Variants in ITM2B observed in about 807,000 individuals in gnomAD.
ITM2B encodes ABri/ADan amyloid peptide.
Under a neutral mutation model 27.8 loss-of-function variants are expected in ITM2B, and 11 were observed. The observed-to-expected ratio is 0.40, with a 90% CI of 0.25 to 0.66. The LOEUF is 0.66. Ranked by LOEUF, ITM2B falls within the 30% of genes least tolerant of loss-of-function variation. ITM2B has a pLI of 0.43. For missense variants in ITM2B, 296 were observed against 328.9 expected, an observed-to-expected ratio of 0.90 and a Z score of 0.77; for synonymous variants, 114 against 114.3, an observed-to-expected ratio of 1.00 and a Z score of 0.02.
rs1325021665 is a variant in ITM2B, at chr13:48,267,529, T to TC, written c.*6309dup. On this transcript the variant is annotated 3_prime_UTR_variant, in exon 6 of 6. Coordinates refer to ENST00000647800, the MANE Select transcript of ITM2B (RefSeq NM_021999.5). ...AAAATTATGAGTGCCTTCCTTTAGC[T>TC]CCCCATAGAAATGTCTTTGTATAAC... The TC allele has an allele frequency of 6.6e-6, 1 of 152,202 alleles. No homozygotes were observed. Among genetic ancestry groups the TC allele is most frequent in the African/African-American group, 2.4e-5 (1 of 41,438 alleles). The allele number at this position is 152,202 out of a possible 1,614,324, so 9.4% of individuals were successfully genotyped here.
chr13:48,241,908 T>G lies in ITM2B; in HGVS notation c.117+8431T>G, dbSNP rs553111959. On this transcript the variant is annotated intron_variant, in intron 1 of 5. Transcript: ENST00000647800. ...TCTTAGTTTTATTATGAAAAAAGTT[T>G]GACCTTGTGGACCCCCTGAACGGGT... Among the ~76,000 whole-genome samples, 149 of 152,348 alleles carry G rather than the reference T, an allele frequency of 9.8e-4. 2 individuals are homozygous for G. In the South Asian group the frequency reaches 0.013, roughly 13 times the overall value.
At position 48,264,430 on chromosome 13, in the gene ITM2B, A is replaced by G. The variant is rs930437209; in HGVS notation, c.*3206A>G. The G allele has an allele frequency of 6.6e-6, 1 of 152,196 alleles. No individual in the cohort carries two copies. The highest frequency in any genetic ancestry group is 1.5e-5 in the Non-Finnish European group (1 of 68,038). The allele number at this position is 152,196 out of a possible 1,614,324, so 9.4% of individuals were successfully genotyped here. On this transcript the variant is annotated 3_prime_UTR_variant, in exon 6 of 6. Transcript: ENST00000647800. ...AACTTAAAGGCTGATTAATAATGCAAATGAAAAGGCAAATGGATTATTGAA... is the reference window on the plus strand; with the variant it reads ...AACTTAAAGGCTGATTAATAATGCAGATGAAAAGGCAAATGGATTATTGAA...
At position 48,265,900 on chromosome 13, in the gene ITM2B, T is replaced by C. The variant is rs973365364; in HGVS notation, c.*4676T>C. ...CTCTTTTTTGTGACTTGAATATAAT[T>C]AATATTTTATATTTTGTCCTTGTTG... On this transcript the variant is annotated 3_prime_UTR_variant, in exon 6 of 6. Transcript: ENST00000647800. 1.3e-5 allele frequency: 2 copies of C among 152,176 alleles called. No homozygotes were observed. The highest frequency in any genetic ancestry group is 2.9e-5 in the Non-Finnish European group (2 of 68,034). The allele number at this position is 152,176 out of a possible 1,614,324, so 9.4% of individuals were successfully genotyped here.
At position 48,266,662 on chromosome 13, in the gene ITM2B, G is replaced by A. The variant is rs911764189; in HGVS notation, c.*5438G>A. The A allele has an allele frequency of 6.6e-6, 1 of 152,140 alleles. No individual in the cohort carries two copies. The highest frequency in any genetic ancestry group is 2.4e-5 in the African/African-American group (1 of 41,426). The allele number at this position is 152,140 out of a possible 1,614,324, so 9.4% of individuals were successfully genotyped here. Reference sequence around the variant, plus strand: ...ATTATTCAGATGGAAATTAATGTTTGTTGAATGAATGAGCTACATTTCATG... The same window carrying A: ...ATTATTCAGATGGAAATTAATGTTTATTGAATGAATGAGCTACATTTCATG... On this transcript the variant is annotated 3_prime_UTR_variant, in exon 6 of 6. Coordinates refer to ENST00000647800, the MANE Select transcript of ITM2B (RefSeq NM_021999.5).
Position 48,269,407 on chromosome 13 carries a change from G to C in ITM2B, c.*8183G>C, listed in dbSNP as rs868698924. The C allele has an allele frequency of 8.5e-5, 13 of 152,172 alleles. No individual in the cohort carries two copies. The highest frequency in any genetic ancestry group is 3.1e-4 in the African/African-American group (13 of 41,428). The allele number at this position is 152,172 out of a possible 1,614,324, so 9.4% of individuals were successfully genotyped here. A position where few individuals can be genotyped will look rare whatever the true frequency, so the allele number is the denominator to read the frequency against. ...CTCTTCTAAACAGAGTAGCTAGAGC[G>C]ATCTTTTCTAAATCTAAGCCACATC... On this transcript the variant is annotated 3_prime_UTR_variant, in exon 6 of 6. Transcript: ENST00000647800.
intron 1 of ITM2B, among the ~76,000 whole-genome samples, chr13:48,235,978 G>A (rs990722085): frequency 3.3e-5 from 5 of 152,122 alleles, no homozygotes; most frequent in African/African-American, 1.2e-4. Context: ...ATGCATTCCA[G>A]TACTTTTACA....
chr13:48,267,443 A>C lies in ITM2B; in HGVS notation c.*6219A>C, dbSNP rs1951859064. The C allele has an allele frequency of 6.6e-6, 1 of 152,184 alleles. No homozygotes were observed. Among genetic ancestry groups the C allele is most frequent in the East Asian group, 1.9e-4 (1 of 5,194 alleles). The allele number at this position is 152,184 out of a possible 1,614,324, so 9.4% of individuals were successfully genotyped here. A position where few individuals can be genotyped will look rare whatever the true frequency, so the allele number is the denominator to read the frequency against. ...GAAGATGAGCCTGTGAAATTTGAGA[A>C]TCCTTCATGTCTCTGGAATGAGTCC... On this transcript the variant is annotated 3_prime_UTR_variant, in exon 6 of 6. Coordinates refer to ENST00000647800, the MANE Select transcript of ITM2B (RefSeq NM_021999.5).
intron 1 of ITM2B, among the ~76,000 whole-genome samples, chr13:48,242,626 A>C (rs1951705974): frequency 6.6e-6 from 1 of 152,040 alleles, no homozygotes; most frequent in Non-Finnish European, 1.5e-5. Flanking sequence ...ATATTTGATA[A>C]TTTATCTGGG....
chr13:48,253,742 C>G (rs1046033944), intron 1 of ITM2B, 66 bp from the exon 2 acceptor site: 2 of 1,481,240 alleles, frequency 1.4e-6, no homozygotes, highest in Non-Finnish European at 9.4e-7. Flanking sequence ...TAAGGTTTTT[C>G]TAGTCCTGAG....
intron 1 of ITM2B, among the ~76,000 whole-genome samples, chr13:48,250,617 CAAA>C (rs759162948): frequency 8.3e-6 from 1 of 120,404 alleles, no homozygotes; most frequent in African/African-American, 3.1e-5. Flanking sequence ...GACTCCATCT[CAAA>C]AAAAAAAAAA....
rs1481293547 is a variant in ITM2B, at chr13:48,258,958, T to C, written c.715+11T>C. ...GAGAAACTATTAAAGGTAATACTTTTTAAATATTAAAGTGTTGGGCAGAAA... is the reference window on the plus strand; with the variant it reads ...GAGAAACTATTAAAGGTAATACTTTCTAAATATTAAAGTGTTGGGCAGAAA... On this transcript the variant is annotated intron_variant, in intron 5 of 5. Coordinates refer to ENST00000647800, the MANE Select transcript of ITM2B (RefSeq NM_021999.5). 3.0e-5 allele frequency: 48 copies of C among 1,603,310 alleles called. No individual in the cohort carries two copies. Among genetic ancestry groups the C allele is most frequent in the Non-Finnish European group, 4.1e-5 (48 of 1,172,296 alleles).
intron 1 of ITM2B, among the ~76,000 whole-genome samples, chr13:48,237,999 T>G (rs189555148): frequency 6.6e-6 from 1 of 152,298 alleles, no homozygotes; most frequent in East Asian, 1.9e-4. Context: ...GAAAAGAAAT[T>G]AAGGACTTTA....
chr13:48,257,520 C>T (rs900276961), intron 3 of ITM2B, among the ~76,000 whole-genome samples: 5 of 151,980 alleles, frequency 3.3e-5, no homozygotes, highest in African/African-American at 1.2e-4. Flanking sequence ...TGTTTATAAA[C>T]CAGTTTGAAA....
intron 2 of ITM2B, among the ~76,000 whole-genome samples, chr13:48,255,283 A>G (rs1308827045): frequency 1.3e-5 from 2 of 151,502 alleles, no homozygotes; most frequent in African/African-American, 2.4e-5. Flanking sequence ...GCGCACGTGT[A>G]CATGTACTGT....
intron 1 of ITM2B, among the ~76,000 whole-genome samples, chr13:48,239,661 T>C (rs1287671579): frequency 6.6e-6 from 1 of 152,186 alleles, no homozygotes; most frequent in Non-Finnish European, 1.5e-5. Flanking sequence ...TTGGTTTTCA[T>C]TTTTAAAACA....
chr13:48,259,169 T>G (rs1951807633), intron 5 of ITM2B, among the ~76,000 whole-genome samples: 1 of 152,208 alleles, frequency 6.6e-6, no homozygotes, highest in Non-Finnish European at 1.5e-5. Context: ...GTCATTGCCT[T>G]GAGATGATGG....
intron 5 of ITM2B, among the ~76,000 whole-genome samples, chr13:48,259,765 A>G (rs1680450904): frequency 6.7e-6 from 1 of 149,080 alleles, no homozygotes; most frequent in African/African-American, 2.5e-5. Context: ...TACAAAGGGT[A>G]TATTATCTGA....
intron 1 of ITM2B, among the ~76,000 whole-genome samples, chr13:48,250,076 CTA>C (rs1951745578): frequency 6.6e-6 from 1 of 152,200 alleles, no homozygotes; most frequent in African/African-American, 2.4e-5. Flanking sequence ...TAATTCTTGA[CTA>C]TAAATCGCTC....
At chr13:48,246,785 AAG>A (rs1316744985) in intron 1 of ITM2B, among the ~76,000 whole-genome samples, 2 of 152,146 alleles carry the variant, frequency 1.3e-5, no homozygotes, top group African/African-American at 2.4e-5. Flanking sequence ...AAAAAAAGAT[AAG>A]AGAGAAGTTG....
Sources: allele counts gnomAD v4.1 joint callset (sites outside exome capture counted in the v4.1 genomes callset), GRCh38; gene constraint gnomAD v4.1.1; transcripts MANE v1.5; gene names NCBI Gene and HGNC (gene_info 2026-07-23, HGNC 2026-07-21).